Variants in MACROD2 observed in about 807,000 individuals in gnomAD.
MACROD2 encodes the protein ADP-ribose glycohydrolase MACROD2.
In MACROD2, 36 loss-of-function variants were observed where a neutral mutation model predicts 70.4. The ratio of observed to expected loss-of-function variants is 0.51; its 90% CI spans 0.39 to 0.68. The LOEUF is 0.68. Ranked by LOEUF, MACROD2 falls within the 30% of genes least tolerant of loss-of-function variation. MACROD2 has a pLI of 0.00. For missense variants in MACROD2, 496 were observed against 538.4 expected, an observed-to-expected ratio of 0.92 and a Z score of 0.78; for synonymous variants, 172 against 178.8, an observed-to-expected ratio of 0.96 and a Z score of 0.30.
intron 3 of MACROD2, among the ~76,000 whole-genome samples, chr20:14,287,279 T>C (rs1787724798): frequency 6.6e-6 from 1 of 152,162 alleles, no homozygotes; most frequent in African/African-American, 2.4e-5. Flanking sequence ...CCAAAAAGTC[T>C]AGAAGTGAAT....
At chr20:15,568,798 C>T (rs1427231437) in intron 8 of MACROD2, among the ~76,000 whole-genome samples, 1 of 152,080 alleles carries the variant, frequency 6.6e-6, no homozygotes, top group Admixed American at 6.6e-5. Context: ...TGGTTTTAGC[C>T]CCAGTCTTTC....
At chr20:14,940,078 G>A (rs1255680233) in intron 5 of MACROD2, among the ~76,000 whole-genome samples, 1 of 124,744 alleles carries the variant, frequency 8.0e-6, no homozygotes, top group African/African-American at 3.0e-5. Context: ...ACCTAAACCT[G>A]AACAAGGCTA....
intron 8 of MACROD2, among the ~76,000 whole-genome samples, chr20:15,770,084 ATTTTCTTT>A (rs1244559839): frequency 1.6e-5 from 2 of 125,704 alleles, no homozygotes; most frequent in Non-Finnish European, 3.3e-5. Context: ...ATTTATTTTA[ATTTTCTTT>A]TTTTTTTTTT....
intron 3 of MACROD2, among the ~76,000 whole-genome samples, chr20:14,362,831 G>C (rs2083235056): frequency 6.6e-6 from 1 of 152,172 alleles, no homozygotes; most frequent in South Asian, 2.1e-4. Context: ...TGAACCTTAA[G>C]AGCATAGATA....
At chr20:15,519,739 GAAGAA>G (rs2047625025) in intron 8 of MACROD2, among the ~76,000 whole-genome samples, 1 of 152,196 alleles carries the variant, frequency 6.6e-6, no homozygotes, top group African/African-American at 2.4e-5. Flanking sequence ...AGATGGGCTG[GAAGAA>G]TGAGGTAAGA....
At chr20:16,014,406 A>C in intron 15 of MACROD2, among the ~76,000 whole-genome samples, 1 of 152,232 alleles carries the variant, frequency 6.6e-6, no homozygotes, top group East Asian at 1.9e-4. Context: ...TGTTACACTA[A>C]GGAAGAAGTT....
intron 3 of MACROD2, among the ~76,000 whole-genome samples, chr20:14,414,154 C>G (rs1230387882): frequency 6.6e-6 from 1 of 152,132 alleles, no homozygotes; most frequent in African/African-American, 2.4e-5. Flanking sequence ...ATTTGTGTAT[C>G]TAACTGCCTA....
chr20:15,666,413 A>G (rs1416448575), intron 8 of MACROD2, among the ~76,000 whole-genome samples: 1 of 152,098 alleles, frequency 6.6e-6, no homozygotes, highest in Non-Finnish European at 1.5e-5. Context: ...TTTTTTGCAC[A>G]CATGATTATT....
At chr20:14,549,885 T>TCAATCACACC (rs1012062763) in intron 4 of MACROD2, among the ~76,000 whole-genome samples, 4 of 152,078 alleles carry the variant, frequency 2.6e-5, no homozygotes, top group African/African-American at 7.2e-5. Context: ...CATTTTCATA[T>TCAATCACACC]CAATCACACC....
At chr20:14,748,381 C>G (rs2071826941) in intron 5 of MACROD2, among the ~76,000 whole-genome samples, 1 of 152,096 alleles carries the variant, frequency 6.6e-6, no homozygotes, top group East Asian at 1.9e-4. Flanking sequence ...CCATCTCCAT[C>G]AAGACAGAGA....
intron 4 of MACROD2, among the ~76,000 whole-genome samples, chr20:14,681,646 G>A (rs1043821337): frequency 8.5e-5 from 13 of 152,102 alleles, no homozygotes; most frequent in African/African-American, 2.9e-4. Context: ...GAAAGGTTTT[G>A]TATCTTTATT....
At chr20:15,533,704 C>T (rs754087140) in intron 8 of MACROD2, among the ~76,000 whole-genome samples, 30 of 152,142 alleles carry the variant, frequency 2.0e-4, no homozygotes, top group Non-Finnish European at 3.5e-4. Flanking sequence ...ATCATAGGCA[C>T]TCTATGGGCT....
rs74340878 is a variant in MACROD2, at chr20:15,427,024, GTC to G, written c.541-4369_541-4368del. ...TCTCCCTGTCTCTCTCTGTCTGTCT[GTC>G]TCTCTCTCTCTGAGTAATAAAAAAT... On this transcript the variant is annotated intron_variant, in intron 6 of 17. Transcript: ENST00000684519. Among the ~76,000 whole-genome samples, 3 of 151,706 alleles carry G rather than the reference GTC, an allele frequency of 2.0e-5. No individual in the cohort carries two copies. In the South Asian group the frequency reaches 6.2e-4, roughly 32 times the overall value.
At chr20:15,879,796 G>C (rs1419167154) in intron 9 of MACROD2, among the ~76,000 whole-genome samples, 1 of 152,088 alleles carries the variant, frequency 6.6e-6, no homozygotes, top group Non-Finnish European at 1.5e-5. Flanking sequence ...GCAAGTGTGA[G>C]ACCCAGGAGA....
At chr20:14,351,722 C>G (rs2122695811) in intron 3 of MACROD2, among the ~76,000 whole-genome samples, 1 of 152,160 alleles carries the variant, frequency 6.6e-6, no homozygotes, top group South Asian at 2.1e-4. Context: ...TTTGGATGCC[C>G]TTTATTTCTT....
chr20:15,624,380 T>A (rs2049172283), intron 8 of MACROD2, among the ~76,000 whole-genome samples: 1 of 152,178 alleles, frequency 6.6e-6, no homozygotes, highest in Non-Finnish European at 1.5e-5. Flanking sequence ...CACCCAGAAA[T>A]AATACTTTGC....
intron 3 of MACROD2, among the ~76,000 whole-genome samples, chr20:14,118,544 T>C (rs75705547): frequency 1.3e-5 from 2 of 152,342 alleles, no homozygotes; most frequent in African/African-American, 2.4e-5. Context: ...TCAAATCTTA[T>C]ATTTCAACAC....
At chr20:15,152,456 G>A (rs1459137974) in intron 5 of MACROD2, among the ~76,000 whole-genome samples, 4 of 146,096 alleles carry the variant, frequency 2.7e-5, no homozygotes, top group African/African-American at 7.6e-5. Context: ...GAGGTTGGGG[G>A]CGTGGAAATA....
intron 3 of MACROD2, among the ~76,000 whole-genome samples, chr20:14,378,243 G>A (rs768575543): frequency 2.0e-5 from 3 of 152,136 alleles, no homozygotes; most frequent in Non-Finnish European, 4.4e-5. Flanking sequence ...TATGGTGAGT[G>A]CTAAGGTGCA....
Sources: allele counts gnomAD v4.1 joint callset (sites outside exome capture counted in the v4.1 genomes callset), GRCh38; gene constraint gnomAD v4.1.1; transcripts MANE v1.5; gene names NCBI Gene and HGNC (gene_info 2026-07-23, HGNC 2026-07-21).